PDE3B: variants seen among roughly 807,000 people sequenced by gnomAD.
PDE3B encodes the protein phosphodiesterase 3B.
A neutral mutation model predicts 116.8 loss-of-function variants in PDE3B; 66 were observed. The observed-to-expected ratio is 0.56, with a 90% CI of 0.46 to 0.69. PDE3B has a LOEUF of 0.69. PDE3B is among the 30% of genes least tolerant of loss of function. The pLI, the probability that PDE3B is intolerant of heterozygous loss-of-function variation, is 0.00. For missense variants in PDE3B, 1,384 were observed against 1,368.1 expected, an observed-to-expected ratio of 1.01 and a Z score of -0.18; for synonymous variants, 595 against 533.6, an observed-to-expected ratio of 1.12 and a Z score of -1.59.
chr11:14,793,161 G>A (rs1027272159), intron 4 of PDE3B, among the ~76,000 whole-genome samples: 7 of 152,100 alleles, frequency 4.6e-5, no homozygotes, highest in African/African-American at 1.7e-4. Flanking sequence ...TTCCAGGAAA[G>A]GTTGTTTTCT....
chr11:14,723,416 T>G (rs1856182521), intron 1 of PDE3B, among the ~76,000 whole-genome samples: 1 of 152,162 alleles, frequency 6.6e-6, no homozygotes, highest in Non-Finnish European at 1.5e-5. Context: ...ATTTACAGAC[T>G]GAGGTCAGTA....
chr11:14,675,329 G>T (rs779230512), intron 1 of PDE3B, among the ~76,000 whole-genome samples: 1 of 151,798 alleles, frequency 6.6e-6, no homozygotes, highest in Non-Finnish European at 1.5e-5. Context: ...TCTTGATTCA[G>T]TATTTTTTCT....
At chr11:14,673,388 G>C (rs905143176) in intron 1 of PDE3B, among the ~76,000 whole-genome samples, 1 of 151,428 alleles carries the variant, frequency 6.6e-6, no homozygotes, top group Admixed American at 6.6e-5. Flanking sequence ...GAATACACTG[G>C]TAGTGACTTT....
intron 1 of PDE3B, among the ~76,000 whole-genome samples, chr11:14,703,264 G>T (rs2133819763): frequency 6.6e-6 from 1 of 151,854 alleles, no homozygotes; most frequent in Non-Finnish European, 1.5e-5. Context: ...CATTCTGATT[G>T]CAGTTTTCCC....
chr11:14,844,846 G>T lies in PDE3B; in HGVS notation c.2520+820G>T, dbSNP rs375765074. Among the ~76,000 whole-genome samples, 8 of 152,324 alleles carry T rather than the reference G, an allele frequency of 5.3e-5. No homozygotes were observed. The East Asian group carries it at 1.2e-3, about 22-fold the overall frequency. Reference sequence around the variant, plus strand: ...CAAAGCAGCTGGGAAGCTCGAACTGGGTGGAGCCAACCACAGCCCAAGGAG... The same window carrying T: ...CAAAGCAGCTGGGAAGCTCGAACTGTGTGGAGCCAACCACAGCCCAAGGAG... On this transcript the variant is annotated intron_variant, in intron 12 of 15. Coordinates refer to ENST00000282096, the MANE Select transcript of PDE3B (RefSeq NM_000922.4).
chr11:14,819,180 A>G lies in PDE3B; in HGVS notation c.1778A>G (p.Asp593Gly), dbSNP rs746698617. The change falls in exon 7 of 16, where the codon GAT (aspartate) becomes GGT (glycine). Residue 593 changes from aspartate to glycine, a missense_variant. Around this residue, in one of 2 missense-constraint regions of PDE3B, gnomAD observed 956 missense variants for 806.8 expected, o/e 1.18. Coordinates refer to ENST00000282096, the MANE Select transcript of PDE3B (RefSeq NM_000922.4). Reference protein sequence around the residue: ...MLKYVSTSESDGTDCCSGKSG... With the variant: ...MLKYVSTSESGGTDCCSGKSG... ...AAATATGTTTCAACATCTGAATCAG[A>G]TGGTACAGATTGCTGCAGTGGAAAA... The G allele has an allele frequency of 7.6e-5, 122 of 1,597,814 alleles. 6 individuals are homozygous for G. In the South Asian group the frequency reaches 1.0e-3, roughly 13 times the overall value.
chr11:14,646,373 T>G lies in PDE3B; in HGVS notation c.978+1320T>G, dbSNP rs145242479. The stretch of plus-strand genomic sequence containing the variant: ...ATGACACAATACTTTGCTTCTTGAT[T>G]TGGCTTCAGAGGCCACTTCTGTGGT... On this transcript the variant is annotated intron_variant, in intron 1 of 15. Coordinates refer to ENST00000282096, the MANE Select transcript of PDE3B (RefSeq NM_000922.4). Among the ~76,000 whole-genome samples, 103 of 152,344 alleles carry G rather than the reference T, an allele frequency of 6.8e-4. 2 individuals carry two copies. In the East Asian group the frequency reaches 0.017, roughly 26 times the overall value.
intron 1 of PDE3B, among the ~76,000 whole-genome samples, chr11:14,706,349 A>AG (rs1855535406): frequency 6.6e-6 from 1 of 151,970 alleles, no homozygotes. Flanking sequence ...TTTTAAAAAA[A>AG]GTTACATTTT....
chr11:14,879,040 A>C, the PDE3B span: 1 of 1,191,520 alleles, frequency 8.4e-7, no homozygotes, highest in Non-Finnish European at 1.2e-6. Context: ...AGGATGCTTC[A>C]GATTAAGATG....
At position 14,811,379 on chromosome 11, in the gene PDE3B, G is replaced by C. The variant is rs1439801283; in HGVS notation, c.1523-6804G>C. On this transcript the variant is annotated intron_variant, in intron 5 of 15. Coordinates refer to ENST00000282096, the MANE Select transcript of PDE3B (RefSeq NM_000922.4). ...AAGGAAGGGATCCAGTTTCAGCTTT[G>C]TACATATGGCTAGCGAGTTTTCCCA... Among the ~76,000 whole-genome samples the C allele has an allele frequency of 8.5e-5, 13 of 152,258 alleles. No individual in the cohort carries two copies. The Middle Eastern group carries it at 0.014, about 159-fold the overall frequency.
chr11:14,834,951 A>G, intron 10 of PDE3B, 31 bp from the exon 11 acceptor site: 2 of 1,264,204 alleles, frequency 1.6e-6, no homozygotes, highest in Non-Finnish European at 2.3e-6. Context: ...TGTGTGTTAA[A>G]CCTAACAGAA....
At chr11:14,746,789 C>T (rs2349791) in intron 1 of PDE3B, among the ~76,000 whole-genome samples, 151,057 of 152,352 alleles carry the variant, frequency 0.99, 74,904 homozygotes, top group Middle Eastern at 1. Flanking sequence ...GAAAAGAATA[C>T]GAGGATCCTT....
chr11:14,664,736 A>T (rs1431146337), intron 1 of PDE3B, among the ~76,000 whole-genome samples: 1 of 152,230 alleles, frequency 6.6e-6, no homozygotes, highest in Non-Finnish European at 1.5e-5. Context: ...GACTCTCTGA[A>T]TAGACCAATA....
In PDE3B at chr11:14,757,497, A is replaced by G. The variant is rs1590119401; in HGVS notation, c.979-14440A>G. Among the ~76,000 whole-genome samples the G allele has an allele frequency of 3.3e-5, 5 of 151,188 alleles. No individual in the cohort carries two copies. In the South Asian group the frequency reaches 1.1e-3, roughly 32 times the overall value. ...CTGACTTTTTAATGACTGCCATTCT[A>G]ACTGGTGTGAGATGGTATCTCATTG... On this transcript the variant is annotated intron_variant, in intron 1 of 15. Coordinates refer to ENST00000282096, the MANE Select transcript of PDE3B (RefSeq NM_000922.4).
chr11:14,819,829 C>T (rs1349571226), intron 7 of PDE3B, among the ~76,000 whole-genome samples: 1 of 151,890 alleles, frequency 6.6e-6, no homozygotes, highest in Non-Finnish European at 1.5e-5. Context: ...AGACAGAACT[C>T]CAAGAAAGTG....
intron 4 of PDE3B, among the ~76,000 whole-genome samples, chr11:14,800,691 G>T (rs1858727083): frequency 6.6e-6 from 1 of 152,104 alleles, no homozygotes; most frequent in Non-Finnish European, 1.5e-5. Flanking sequence ...TCCTGAATTT[G>T]AATGTTGGCC....
intron 1 of PDE3B, among the ~76,000 whole-genome samples, chr11:14,661,502 G>A (rs61883634): frequency 0.034 from 5,164 of 152,320 alleles, 129 homozygotes; most frequent in Non-Finnish European, 0.049. Flanking sequence ...AGCAGGGTGA[G>A]GCATTGCCTC....
chr11:14,868,569 G>C (rs913029510), intron 15 of PDE3B, among the ~76,000 whole-genome samples: 20 of 152,102 alleles, frequency 1.3e-4, no homozygotes, highest in Admixed American at 7.9e-4. Context: ...AATGGAAAAT[G>C]AAATGAAAAT....
At chr11:14,708,269 C>A (rs1244213811) in intron 1 of PDE3B, among the ~76,000 whole-genome samples, 1 of 152,032 alleles carries the variant, frequency 6.6e-6, no homozygotes. Flanking sequence ...CTTCCCTTCA[C>A]CTTACCCCAT....
Sources: allele counts gnomAD v4.1 joint callset (sites outside exome capture counted in the v4.1 genomes callset), GRCh38; gene constraint gnomAD v4.1.1; regional missense constraint gnomAD v4.1.1; transcripts MANE v1.5; gene names NCBI Gene and HGNC (gene_info 2026-07-23, HGNC 2026-07-21).